IRF3: variants seen among roughly 807,000 people sequenced by gnomAD.
IRF3 encodes interferon regulatory factor 3.
A neutral mutation model predicts 43.2 loss-of-function variants in IRF3; 29 were observed. The ratio of observed to expected loss-of-function variants is 0.67; its 90% confidence interval spans 0.50 to 0.91. The LOEUF (loss-of-function observed/expected upper bound fraction) is 0.91. Among genes scored for constraint, IRF3 ranks in the 40% least tolerant of loss-of-function variants. IRF3 has a pLI of 0.00. For missense variants in IRF3, 505 were observed against 559.1 expected (o/e 0.90, Z 0.98); for synonymous variants, 228 against 233.9 (o/e 0.97, Z 0.23).
At chr19:49,664,959 A>G (rs2081594529) in intron 1 of IRF3, 113 bp from the exon 2 acceptor site, 1 of 1,159,512 alleles carries the variant, frequency 8.6e-7, no homozygotes, top group South Asian at 1.6e-5. Flanking sequence ...TCCTTCACCC[A>G]TATTTTCGGG....
At chr19:49,664,964 T>C in intron 1 of IRF3, 118 bp from the exon 2 acceptor site, 1 of 1,119,844 alleles carries the variant, frequency 8.9e-7, no homozygotes, top group Non-Finnish European at 1.2e-6. Context: ...CACCCATATT[T>C]TCGGGGGTAC....
chr19:49,661,040 C>G (rs1161543452), intron 6 of IRF3: 5 of 575,116 alleles, frequency 8.7e-6, no homozygotes, highest in Non-Finnish European at 1.2e-5. Context: ...CCCCAAGCCC[C>G]CAAGCCTCAG....
intron 2 of IRF3, 73 bp downstream of exon 2, chr19:49,664,580 GCGCCACCTCCGCCTTCTCAGC>G (rs1568465311): frequency 6.4e-7 from 1 of 1,573,264 alleles, no homozygotes. Flanking sequence ...CGCCCCTCGC[GCGCCACCTCCGCCTTCTCAGC>G]CGGGCCCACT....
intron 4 of IRF3, 52 bp downstream of exon 4, chr19:49,663,136 C>G: frequency 1.4e-6 from 2 of 1,479,868 alleles, no homozygotes; most frequent in Non-Finnish European, 1.9e-6. Context: ...AGGACAAGGC[C>G]CATGGAGACA....
chr19:49,661,946 A>G lies in IRF3; in HGVS notation c.982+2T>C. 2 of 1,603,042 alleles carry G rather than the reference A, an allele frequency of 1.2e-6. No individual in the cohort carries two copies. The highest frequency in any genetic ancestry group is 1.7e-6 in the Non-Finnish European group (2 of 1,172,912). ...CCAGGTCGAAGCCCCTGTCTCACTC[A>G]CCTACAATGAAGGGCCCCAGGTCAA... On this transcript the variant is annotated splice_donor_variant, in intron 6 of 7. Transcript: ENST00000377139. LOFTEE classifies it high-confidence loss of function.
rs1210942913 is a variant in IRF3 at position 49,662,485 on chromosome 19, G to T, written c.541C>A (p.Pro181Thr). The T allele has an allele frequency of 6.3e-7, 1 of 1,584,058 alleles. No homozygotes were observed. Among genetic ancestry groups the T allele is most frequent in the Admixed American group, 1.9e-5 (1 of 53,486 alleles). ...LRSPSLDNPT[P>T]FPNLGPSENP... is the part of the protein sequence containing the mutation. ...TCAGAGGGCCCCAGGTTTGGGAAGG[G>T]AGTGGGATTGTCCAAGCTGGGGCTC... Residue 181 changes from proline to threonine, a missense_variant, in exon 5 of 8, where the codon CCC becomes ACC. Physicochemically the swap from Pro to Thr is conservative, Grantham distance 38. Coordinates refer to ENST00000377139, the MANE Select transcript of IRF3 (RefSeq NM_001571.6).
In IRF3 at chr19:49,659,794, G is replaced by A. The variant is rs768844517; in HGVS notation, c.1138C>T (p.Arg380Trp). ...TCCAGGGAGGAGGCACCCCCTACCC[G>A]GGCCATTTCTACCAAGGCCCTGAGG... ...TCLRALVEMARVGGASSLENT... is the reference protein window; with the variant it reads ...TCLRALVEMAWVGGASSLENT... The change falls in exon 8 of 8, where the codon CGG (arginine) becomes TGG (tryptophan). Residue 380 changes from arginine (R) to tryptophan (W), a missense_variant. Arg to Trp is a moderately radical substitution (Grantham distance 101). Transcript: ENST00000377139. 32 of 1,607,998 alleles carry A rather than the reference G, an allele frequency of 2.0e-5. No homozygotes were observed. Among genetic ancestry groups the A allele is most frequent in the African/African-American group, 2.7e-5 (2 of 74,742 alleles).
At chr19:49,664,625 G>A (rs1203914616) in intron 2 of IRF3, 49 bp downstream of exon 2, 1 of 1,595,394 alleles carries the variant, frequency 6.3e-7, no homozygotes, top group Admixed American at 1.7e-5. Context: ...AGTCCTTTCC[G>A]CCCAGCGCGC....
chr19:49,663,894 C>T (rs564159169), intron 2 of IRF3: 44 of 250,380 alleles, frequency 1.8e-4, no homozygotes, highest in Middle Eastern at 1.5e-3. Flanking sequence ...TGGGGTTTCA[C>T]CATGTTGGCC....
chr19:49,659,965 C>A, intron 7 of IRF3, 132 bp from the exon 8 acceptor site: 1 of 669,370 alleles, frequency 1.5e-6, no homozygotes. Flanking sequence ...AGGCCTAGGG[C>A]TGCTGGGAGT....
chr19:49,659,755 G>A lies in IRF3; in HGVS notation c.1177C>T (p.Leu393=), dbSNP rs770719440. 6.2e-7 allele frequency: 1 copy of A among 1,613,792 alleles called. No individual in the cohort carries two copies. Among genetic ancestry groups the A allele is most frequent in the Non-Finnish European group, 8.5e-7 (1 of 1,179,916 alleles). ...AGTGGGTGGCTGTTGGAAATGTGCA[G>A]GTCCACAGTATTCTCCAGGGAGGAG... ...GASSLENTVD[L]HISNSHPLSL... Residue 393 remains leucine (L), a synonymous_variant, in exon 8 of 8, where the codon CTG becomes TTG. Transcript: ENST00000377139.
rs1032844247 is a variant in IRF3 at position 49,665,660 on chromosome 19, G to A, written c.-38C>T. 1.1e-6 allele frequency: 1 copy of A among 929,464 alleles called. No homozygotes were observed. Among genetic ancestry groups the A allele is most frequent in the South Asian group, 1.7e-5 (1 of 57,572 alleles). 57.6% of individuals were successfully genotyped at this position (929,464 alleles called of 1,614,324 possible). The stretch of plus-strand genomic sequence containing the variant: ...GATGGAAGGTCGGGGCGTGCGGGCA[G>A]CTGGAACCCACCCCTGTCTTGGAGC... On this transcript the variant is annotated 5_prime_UTR_variant, in exon 1 of 8. Coordinates refer to ENST00000377139, the MANE Select transcript of IRF3 (RefSeq NM_001571.6).
Position 49,663,320 on chromosome 19 carries a change from A to G in IRF3, c.337+23T>C, listed in dbSNP as rs376078078. 1.2e-5 allele frequency: 19 copies of G among 1,614,018 alleles called. No individual in the cohort carries two copies. In the African/African-American group the frequency reaches 2.5e-4, roughly 22 times the overall value. On this transcript the variant is annotated intron_variant, in intron 3 of 7. Coordinates refer to ENST00000377139, the MANE Select transcript of IRF3 (RefSeq NM_001571.6). The stretch of plus-strand genomic sequence containing the variant: ...GGAACCCTTGGGGCCCCAGCCTCCC[A>G]CACGAACCCCAAGCTGGCAGACCTG...
Position 49,662,189 on chromosome 19 carries a change from G to A in IRF3, c.741C>T (p.Asp247=). The A allele has an allele frequency of 6.2e-7, 1 of 1,614,124 alleles. No homozygotes were observed. The highest frequency in any genetic ancestry group is 1.1e-5 in the South Asian group (1 of 91,090). The stretch of plus-strand genomic sequence containing the variant: ...CCCTGTCTGTCAGGGACATGCCAGG[G>A]TCTGGCAGTGTGACTGGCCATCCAG... ...TLPGWPVTLP[D]PGMSLTDRGV... The change falls in exon 6 of 8, where the codon GAC becomes GAT. Residue 247 remains aspartate, a synonymous_variant. Coordinates refer to ENST00000377139, the MANE Select transcript of IRF3 (RefSeq NM_001571.6).
intron 7 of IRF3, 63 bp from the exon 8 acceptor site, chr19:49,659,896 G>C: frequency 6.6e-7 from 1 of 1,520,130 alleles, no homozygotes; most frequent in Non-Finnish European, 8.9e-7. Flanking sequence ...CAAGGTAGGA[G>C]TCAGGGCTTG....
In IRF3 at chr19:49,664,710, C is replaced by T; in HGVS notation, c.129G>A (p.Arg43=). The T allele has an allele frequency of 6.2e-7, 1 of 1,614,068 alleles. No individual in the cohort carries two copies. The highest frequency in any genetic ancestry group is 8.5e-7 in the Non-Finnish European group (1 of 1,179,970). ...CGAAATCCTCCTGCTGTGCATCCTG[C>T]CGTAGGCCGTGCTTCCAAGGGATGC... The part of the protein sequence containing the change: ...RFRIPWKHGL[R]QDAQQEDFGI... The change falls in exon 2 of 8, where the codon CGG becomes CGA. Residue 43 remains arginine, a synonymous_variant. Coordinates refer to ENST00000377139, the MANE Select transcript of IRF3 (RefSeq NM_001571.6).
rs2081460598 is a variant in IRF3, at chr19:49,663,605, C to T, written c.166-91G>A. 2.4e-6 allele frequency: 3 copies of T among 1,245,604 alleles called. No homozygotes were observed. The African/African-American group carries it at 4.5e-5, about 19-fold the overall frequency. 77.2% of individuals were successfully genotyped at this position (1,245,604 alleles called of 1,614,324 possible). ...CCCTGTCTCCCGAGTCCTAACACCACCCTCTTTCCCTGGCAAGTTCTAACT... is the reference window on the plus strand; with the variant it reads ...CCCTGTCTCCCGAGTCCTAACACCATCCTCTTTCCCTGGCAAGTTCTAACT... On this transcript the variant is annotated intron_variant, in intron 2 of 7. Transcript: ENST00000377139.
chr19:49,660,162 C>A (rs771316652), intron 7 of IRF3, among the ~76,000 whole-genome samples: 1 of 152,040 alleles, frequency 6.6e-6, no homozygotes, highest in Non-Finnish European at 1.5e-5. Context: ...ACAGCCATGG[C>A]CTCACAATGG....
chr19:49,660,381 C>T (rs964272672), intron 7 of IRF3, among the ~76,000 whole-genome samples: 13 of 152,244 alleles, frequency 8.5e-5, no homozygotes, highest in African/African-American at 1.9e-4. Context: ...CGTGAGGGAT[C>T]GGCTGCTCCT....
Sources: allele counts gnomAD v4.1 joint callset (sites outside exome capture counted in the v4.1 genomes callset), GRCh38; gene constraint gnomAD v4.1.1; transcripts MANE v1.5; gene names NCBI Gene and HGNC (gene_info 2026-07-23, HGNC 2026-07-21).